Variants in PCDHGA6 observed in about 807,000 individuals in gnomAD.
The protein encoded by PCDHGA6 is protocadherin gamma subfamily A, 6.
In PCDHGA6, 41 loss-of-function variants were observed where a neutral mutation model predicts 60.6. The ratio of observed to expected loss-of-function variants is 0.68; its 90% CI spans 0.53 to 0.88. The LOEUF is 0.88. Ranked by LOEUF, PCDHGA6 falls within the 40% of genes least tolerant of loss-of-function variation. PCDHGA6 has a pLI of 0.00. For synonymous variants in PCDHGA6, 594 were observed against 524.4 expected (o/e 1.13, Z -1.81); for missense variants, 1,312 against 1,203.0 (o/e 1.09, Z -1.34).
chr5:141,381,988 C>A (rs1777837622), intron 1 of PCDHGA6, among the ~76,000 whole-genome samples: 1 of 151,770 alleles, frequency 6.6e-6, no homozygotes, highest in South Asian at 2.1e-4. Flanking sequence ...CGCCACCACG[C>A]CCGGATAATT....
chr5:141,500,400 G>A (rs2099799942), intron 2 of PCDHGA6, among the ~76,000 whole-genome samples: 1 of 151,666 alleles, frequency 6.6e-6, no homozygotes, highest in East Asian at 1.9e-4. Context: ...TAGTAGAGAC[G>A]GGGTTTCACC....
intron 1 of PCDHGA6, chr5:141,428,236 G>T: frequency 5.8e-6 from 6 of 1,027,096 alleles, no homozygotes; most frequent in Non-Finnish European, 8.9e-6. Flanking sequence ...CAGCCTGCAG[G>T]AGGCACTGCC....
intron 1 of PCDHGA6, chr5:141,422,106 C>T: frequency 6.2e-7 from 1 of 1,607,266 alleles, no homozygotes; most frequent in Non-Finnish European, 8.5e-7. Flanking sequence ...CTGAAATATT[C>T]CAATTGGATT....
At chr5:141,383,577 C>T in intron 1 of PCDHGA6, 1 of 1,613,420 alleles carries the variant, frequency 6.2e-7, no homozygotes, top group Non-Finnish European at 8.5e-7. Context: ...CCAGCACCGC[C>T]CACATCCAGG....
Position 141,510,985 on chromosome 5 carries a change from G to A in PCDHGA6, c.2611G>A (p.Gly871Ser), listed in dbSNP as rs1278517639. Residue 871 changes from glycine to serine, a missense_variant, in exon 4 of 4, where the codon GGC becomes AGC. Transcript: ENST00000517434. ...DGSSTLGGGA[G>S]TMGLSARYGP... ...GAGCTCCACCCTGGGAGGGGGTGCCGGCACCATGGGATTGAGCGCCCGCTA... is the reference window on the plus strand; with the variant it reads ...GAGCTCCACCCTGGGAGGGGGTGCCAGCACCATGGGATTGAGCGCCCGCTA... 19 of 1,614,090 alleles carry A rather than the reference G, an allele frequency of 1.2e-5. No individual in the cohort carries two copies. The highest frequency in any genetic ancestry group is 2.2e-5 in the East Asian group (1 of 44,880).
intron 1 of PCDHGA6, chr5:141,441,114 T>A (rs1239606502): frequency 6.6e-6 from 1 of 152,218 alleles, no homozygotes; most frequent in Non-Finnish European, 1.5e-5. Context: ...TTGTCCAGTG[T>A]ACAGTTGAGA....
intron 1 of PCDHGA6, among the ~76,000 whole-genome samples, chr5:141,425,497 CT>C (rs2096879671): frequency 6.6e-6 from 1 of 152,164 alleles, no homozygotes; most frequent in African/African-American, 2.4e-5. Context: ...TAGGCTATAC[CT>C]TTATATTCTC....
At chr5:141,480,695 C>T (rs2099523656) in intron 1 of PCDHGA6, among the ~76,000 whole-genome samples, 2 of 152,146 alleles carry the variant, frequency 1.3e-5, no homozygotes, top group African/African-American at 4.8e-5. Context: ...GAAACCCAGG[C>T]CACACCCCGA....
chr5:141,451,205 C>G (rs1023049434), intron 1 of PCDHGA6, among the ~76,000 whole-genome samples: 2 of 152,142 alleles, frequency 1.3e-5, no homozygotes, highest in African/African-American at 4.8e-5. Flanking sequence ...TATCCCAAAA[C>G]TTAGTGGCTT....
In PCDHGA6 at chr5:141,477,875, G is replaced by A. The variant is rs760433987; in HGVS notation, c.2425-16932G>A. Reference sequence around the variant, plus strand: ...GATGCTGCCTCGAGGTACCTCAGCTGGCCACCTAGTGTCACGGGTGGTAGG... The same window carrying A: ...GATGCTGCCTCGAGGTACCTCAGCTAGCCACCTAGTGTCACGGGTGGTAGG... On this transcript the variant is annotated intron_variant, in intron 1 of 3. Coordinates refer to ENST00000517434, the MANE Select transcript of PCDHGA6 (RefSeq NM_018919.3). The surrounding 1 kb of genome is among the most constrained non-coding windows in gnomAD (Gnocchi z 4.9). 1 of 1,614,162 alleles carries A rather than the reference G, an allele frequency of 6.2e-7. No homozygotes were observed. Among genetic ancestry groups the A allele is most frequent in the Non-Finnish European group, 8.5e-7 (1 of 1,180,028 alleles).
chr5:141,404,952 G>A (rs2094589054), intron 1 of PCDHGA6: 3 of 1,614,030 alleles, frequency 1.9e-6, no homozygotes, highest in African/African-American at 1.3e-5. Flanking sequence ...ATAGCTGACA[G>A]CATCCCAGAC....
At chr5:141,383,378 C>G (rs753458256) in intron 1 of PCDHGA6, 1 of 1,614,002 alleles carries the variant, frequency 6.2e-7, no homozygotes, top group Non-Finnish European at 8.5e-7. Context: ...GCTGGGGATC[C>G]AGATGTGGGC....
chr5:141,375,183 C>T lies in PCDHGA6; in HGVS notation c.1100C>T (p.Ala367Val), dbSNP rs773640182. The change falls in exon 1 of 4, where the codon GCC becomes GTC. Residue 367 changes from alanine to valine, a missense_variant. Physicochemically the swap from Ala to Val is moderately conservative, Grantham distance 64. Coordinates refer to ENST00000517434, the MANE Select transcript of PCDHGA6 (RefSeq NM_018919.3). ...AESAPPGTVI[A>V]LFQVFDRDSG... ...AGTGCACCTCCAGGAACAGTAATCGCCCTTTTTCAAGTGTTCGATCGAGAC... is the reference window on the plus strand; with the variant it reads ...AGTGCACCTCCAGGAACAGTAATCGTCCTTTTTCAAGTGTTCGATCGAGAC... 12 of 1,613,848 alleles carry T rather than the reference C, an allele frequency of 7.4e-6. No homozygotes were observed. Among genetic ancestry groups the T allele is most frequent in the Admixed American group, 1.7e-5 (1 of 60,006 alleles).
At chr5:141,408,563 G>T (rs1266893654) in intron 1 of PCDHGA6, 1 of 1,614,040 alleles carries the variant, frequency 6.2e-7, no homozygotes, top group South Asian at 1.1e-5. Flanking sequence ...TCATGTCATT[G>T]TGGTGATTGA....
Position 141,419,271 on chromosome 5 carries a change from T to C in PCDHGA6, c.2424+42764T>C, listed in dbSNP as rs2096352878. 4 of 1,613,902 alleles carry C rather than the reference T, an allele frequency of 2.5e-6. No homozygotes were observed. In the South Asian group the frequency reaches 3.3e-5, roughly 13 times the overall value. ...GAAAACAACCAGCCGGGTGCCTCCA[T>C]AGCGCAAGTCAGTGCCTCTGACCCA... On this transcript the variant is annotated intron_variant, in intron 1 of 3. Transcript: ENST00000517434.
chr5:141,393,086 T>C (rs533530561), intron 1 of PCDHGA6: 1 of 1,613,614 alleles, frequency 6.2e-7, no homozygotes, highest in Non-Finnish European at 8.5e-7. Flanking sequence ...GCAGGATAGA[T>C]CGGGAGGAGC....
In PCDHGA6 at chr5:141,431,739, A is replaced by G; in HGVS notation, c.2424+55232A>G. 3.1e-6 allele frequency: 5 copies of G among 1,614,240 alleles called. No homozygotes were observed. Among genetic ancestry groups the G allele is most frequent in the Non-Finnish European group, 3.4e-6 (4 of 1,180,048 alleles). Reference sequence around the variant, plus strand: ...GTGCAAGCAATGGATAATGCAGGATATTCTGCGCGAGCCAAAGTCCTGATC... The same window carrying G: ...GTGCAAGCAATGGATAATGCAGGATGTTCTGCGCGAGCCAAAGTCCTGATC... On this transcript the variant is annotated intron_variant, in intron 1 of 3. Transcript: ENST00000517434. The surrounding 1 kb of genome is among the most constrained non-coding windows in gnomAD (Gnocchi z 4.8).
chr5:141,376,221 C>A lies in PCDHGA6; in HGVS notation c.2138C>A (p.Ala713Glu), dbSNP rs919176873. 8 of 1,614,216 alleles carry A rather than the reference C, an allele frequency of 5.0e-6. No homozygotes were observed. Among genetic ancestry groups the A allele is most frequent in the Middle Eastern group, 1.7e-4 (1 of 6,058 alleles). The change falls in exon 1 of 4, where the codon GCG (alanine) becomes GAG (glutamate). Residue 713 changes from alanine to glutamate, a missense_variant. Coordinates refer to ENST00000517434, the MANE Select transcript of PCDHGA6 (RefSeq NM_018919.3). Reference protein sequence around the residue: ...VFLAFVIVLLALRLQRWHKSR... With the variant: ...VFLAFVIVLLELRLQRWHKSR... ...CTGGCCTTCGTCATCGTGCTGCTGG[C>A]GCTCAGACTGCAGCGCTGGCACAAG...
At chr5:141,507,931 G>A (rs1442781255) in intron 3 of PCDHGA6, 1 of 152,326 alleles carries the variant, frequency 6.6e-6, no homozygotes, top group African/African-American at 2.4e-5. Context: ...CTGCTGAGAG[G>A]GGTTAAGTAA....
Sources: gnomAD v4.1 joint callset for allele counts (sites outside exome capture counted in the v4.1 genomes callset) on GRCh38, gnomAD v4.1.1 for gene constraint, Gnocchi (gnomAD v3.1) non-coding constraint, MANE v1.5 for transcripts, NCBI Gene and HGNC (gene_info 2026-07-23, HGNC 2026-07-21) for gene names.